The following PCDH15 variants were observed in gnomAD, a reference collection of about 807,000 sequenced individuals.
PCDH15 encodes the protein protocadherin related 15.
PCDH15 carries 129 observed loss-of-function variants against 178.5 expected under a neutral mutation model. The observed-to-expected ratio is 0.72, with a 90% CI of 0.63 to 0.84. The LOEUF (loss-of-function observed/expected upper bound fraction) is 0.84. Ranked by LOEUF, PCDH15 falls within the 40% of genes least tolerant of loss-of-function variation. PCDH15 has a pLI of 0.00. For missense variants in PCDH15, 2,230 were observed against 2,099.9 expected (o/e 1.06, Z -1.21); for synonymous variants, 800 against 732.0 (o/e 1.09, Z -1.50).
At chr10:55,076,647 T>A (rs1450490052) in intron 2 of PCDH15, among the ~76,000 whole-genome samples, 1 of 151,594 alleles carries the variant, frequency 6.6e-6, no homozygotes, top group African/African-American at 2.4e-5. Context: ...TTAGTAGAGA[T>A]GGGGTTTCAC....
chr10:55,575,007 T>G (rs1476807336), intron 2 of PCDH15, among the ~76,000 whole-genome samples: 1 of 152,092 alleles, frequency 6.6e-6, no homozygotes, highest in Non-Finnish European at 1.5e-5. Context: ...TAATAAAGTG[T>G]ATAATTCCTT....
chr10:54,946,796 A>C lies in PCDH15; in HGVS notation c.-79-49296T>G, dbSNP rs115361902. On this transcript the variant is annotated intron_variant, in intron 2 of 5. Transcript: ENST00000458638. The stretch of plus-strand genomic sequence containing the variant: ...ATGGATTATTCAAGCTGGTGTTAGG[A>C]ATTAGTTAAGTGATAATCAGACATA... Among the ~76,000 whole-genome samples the C allele has an allele frequency of 6.5e-3, 991 of 151,982 alleles. 9 individuals are homozygous for C. Among genetic ancestry groups the C allele is most frequent in the African/African-American group, 0.021 (888 of 41,520 alleles).
intron 2 of PCDH15, among the ~76,000 whole-genome samples, chr10:55,542,240 CCTGT>C (rs1841778195): frequency 6.7e-6 from 1 of 150,240 alleles, no homozygotes; most frequent in Non-Finnish European, 1.5e-5. Context: ...ACAGTATATG[CCTGT>C]ATGTGTACAT....
chr10:54,063,209 TC>T (rs1462888713), intron 18 of PCDH15, among the ~76,000 whole-genome samples: 1 of 152,156 alleles, frequency 6.6e-6, no homozygotes, highest in African/African-American at 2.4e-5. Flanking sequence ...CTTTAGTGGC[TC>T]CCCCGTCACC....
chr10:53,997,527 AT>A (rs1169449148), intron 20 of PCDH15, among the ~76,000 whole-genome samples: 1 of 152,150 alleles, frequency 6.6e-6, no homozygotes, highest in African/African-American at 2.4e-5. Context: ...GTTCTTAAAA[AT>A]TTTATTCTTT....
At chr10:55,542,721 AG>A (rs1019333608) in intron 2 of PCDH15, among the ~76,000 whole-genome samples, 1 of 24,196 alleles carries the variant, frequency 4.1e-5, no homozygotes, top group African/African-American at 1.9e-4. Context: ...GTGTCTATAT[AG>A]GTACATACAG....
At chr10:54,300,349 T>C (rs546494204) in intron 8 of PCDH15, among the ~76,000 whole-genome samples, 2 of 152,334 alleles carry the variant, frequency 1.3e-5, no homozygotes, top group African/African-American at 4.8e-5. Context: ...CCTGTATTTT[T>C]AACCTCCTTG....
intron 25 of PCDH15, 55 bp downstream of exon 25, chr10:53,938,760 A>C: frequency 6.4e-7 from 1 of 1,571,546 alleles, no homozygotes; most frequent in Non-Finnish European, 8.7e-7. Context: ...TTCATTTAAA[A>C]AATTAGCAGA....
intron 1 of PCDH15, among the ~76,000 whole-genome samples, chr10:55,314,921 G>A (rs1320813481): frequency 1.3e-5 from 2 of 152,202 alleles, no homozygotes; most frequent in Middle Eastern, 6.9e-3. Flanking sequence ...TAAAATAATT[G>A]AATACATTAT....
chr10:54,114,768 C>A (rs1052695439), intron 15 of PCDH15, among the ~76,000 whole-genome samples: 1 of 151,984 alleles, frequency 6.6e-6, no homozygotes, highest in Non-Finnish European at 1.5e-5. Flanking sequence ...GAACAAGGAG[C>A]CTTTCAGGTA....
At chr10:54,965,972 A>G (rs1021021575) in intron 2 of PCDH15, among the ~76,000 whole-genome samples, 1 of 150,922 alleles carries the variant, frequency 6.6e-6, no homozygotes, top group Non-Finnish European at 1.5e-5. Context: ...AATAGACCTT[A>G]TATAATAAAT....
At chr10:55,429,330 A>G (rs1315135947) in intron 2 of PCDH15, among the ~76,000 whole-genome samples, 1 of 152,094 alleles carries the variant, frequency 6.6e-6, no homozygotes, top group Non-Finnish European at 1.5e-5. Context: ...TTTTTGAAAG[A>G]TATTTTTGCT....
chr10:55,062,501 G>A (rs1021327552), intron 2 of PCDH15, among the ~76,000 whole-genome samples: 6 of 152,190 alleles, frequency 3.9e-5, no homozygotes, highest in Non-Finnish European at 8.8e-5. Context: ...GTTACATGCT[G>A]TATGATTCCA....
intron 23 of PCDH15, among the ~76,000 whole-genome samples, chr10:53,959,131 G>A (rs2087972149): frequency 6.7e-6 from 1 of 148,460 alleles, no homozygotes; most frequent in South Asian, 2.1e-4. Flanking sequence ...TATGCATATA[G>A]TGTATATATA....
chr10:54,379,521 G>A (rs532845949), intron 3 of PCDH15, among the ~76,000 whole-genome samples: 1 of 152,024 alleles, frequency 6.6e-6, no homozygotes, highest in Non-Finnish European at 1.5e-5. Flanking sequence ...ACATGTCTGG[G>A]TTACTCTACT....
chr10:53,912,904 C>T (rs544488454), intron 25 of PCDH15, among the ~76,000 whole-genome samples: 17 of 152,264 alleles, frequency 1.1e-4, no homozygotes, highest in East Asian at 1.9e-4. Context: ...CCCCATCAAT[C>T]GGCCAATGAC....
chr10:55,208,672 T>G (rs1300731979), intron 1 of PCDH15, among the ~76,000 whole-genome samples: 1 of 152,122 alleles, frequency 6.6e-6, no homozygotes, highest in Non-Finnish European at 1.5e-5. Flanking sequence ...TACACTTTTT[T>G]TGTCTGCCGG....
At chr10:55,196,517 C>T (rs893530505) in intron 1 of PCDH15, among the ~76,000 whole-genome samples, 1 of 151,924 alleles carries the variant, frequency 6.6e-6, no homozygotes, top group Admixed American at 6.6e-5. Context: ...CTGAATTATC[C>T]TAACAGCTTC....
chr10:54,898,903 G>A (rs544471669), intron 2 of PCDH15, among the ~76,000 whole-genome samples: 195 of 152,200 alleles, frequency 1.3e-3, no homozygotes, highest in South Asian at 3.5e-3. Flanking sequence ...CTACAAAAGC[G>A]AAATCATATA....
Sources: allele counts gnomAD v4.1 joint callset (sites outside exome capture counted in the v4.1 genomes callset), GRCh38; gene constraint gnomAD v4.1.1; transcripts MANE v1.5; gene names NCBI Gene and HGNC (gene_info 2026-07-23, HGNC 2026-07-21).